MTUS1: variants seen among roughly 807,000 people sequenced by gnomAD.
The protein encoded by MTUS1 is microtubule associated scaffold protein 1, also known as microtubule-associated tumor suppressor 1.
A neutral mutation model predicts 120.8 loss-of-function variants in MTUS1; 109 were observed. The ratio of observed to expected loss-of-function variants is 0.90; its 90% CI spans 0.77 to 1.06. The LOEUF is 1.06. Ranked by LOEUF, MTUS1 falls within the 50% of genes least tolerant of loss-of-function variation. The probability of loss-of-function intolerance (pLI) is 0.00; values close to 1 mark genes in which losing one functional copy is unlikely to be tolerated. For missense variants in MTUS1, 2,210 were observed against 1,486.3 expected (o/e 1.49, Z -8.01); for synonymous variants, 737 against 550.5 (o/e 1.34, Z -4.74).
chr8:17,695,131 G>A (rs1817698440), intron 6 of MTUS1, among the ~76,000 whole-genome samples: 1 of 152,168 alleles, frequency 6.6e-6, no homozygotes, highest in South Asian at 2.1e-4. Context: ...CCACTTGACG[G>A]ACGATTTCTC....
intron 8 of MTUS1, among the ~76,000 whole-genome samples, chr8:17,673,516 A>G (rs1227561837): frequency 2.0e-5 from 3 of 152,150 alleles, no homozygotes; most frequent in African/African-American, 7.2e-5. Context: ...CAGCAGCACA[A>G]TGACAGCTCA....
chr8:17,751,504 A>G (rs2048185583), intron 2 of MTUS1, among the ~76,000 whole-genome samples: 1 of 152,182 alleles, frequency 6.6e-6, no homozygotes. Flanking sequence ...TCCCAGAGAC[A>G]TGGAAATGTG....
In MTUS1 at chr8:17,799,341, A is replaced by C. The variant is rs748913030; in HGVS notation, c.-155+1720T>G. Among the ~76,000 whole-genome samples the C allele has an allele frequency of 2.0e-5, 3 of 152,154 alleles. 1 individual carries two copies. Among genetic ancestry groups the C allele is most frequent in the Non-Finnish European group, 4.4e-5 (3 of 68,026 alleles). ...TTCTGAAGATTTCATGACATGGAAA[A>C]TTTTTCATGATACATTAATCAGGAA... On this transcript the variant is annotated intron_variant, in intron 1 of 14. Transcript: ENST00000693296.
chr8:17,714,693 C>A (rs895376394), intron 5 of MTUS1, among the ~76,000 whole-genome samples: 2 of 151,952 alleles, frequency 1.3e-5, no homozygotes, highest in Admixed American at 6.6e-5. Flanking sequence ...AAAAACAAAA[C>A]AACATATACA....
intron 7 of MTUS1, among the ~76,000 whole-genome samples, chr8:17,677,862 G>C (rs570801406): frequency 2.6e-5 from 4 of 152,254 alleles, no homozygotes; most frequent in East Asian, 1.9e-4. Context: ...TTCTAAATTG[G>C]TTGGTAACTT....
intron 13 of MTUS1, among the ~76,000 whole-genome samples, chr8:17,648,738 C>T (rs1806346877): frequency 6.6e-6 from 1 of 152,210 alleles, no homozygotes; most frequent in Non-Finnish European, 1.5e-5. Context: ...GCAGAGAGGT[C>T]CCCCATGTCC....
intron 1 of MTUS1, among the ~76,000 whole-genome samples, chr8:17,777,191 C>T (rs918755417): frequency 6.6e-6 from 1 of 152,062 alleles, no homozygotes; most frequent in Non-Finnish European, 1.5e-5. Context: ...AACCCCAGCA[C>T]TTTGGGAGGT....
At position 17,768,728 on chromosome 8, in the gene MTUS1, A is replaced by T. The variant is rs189235159; in HGVS notation, c.-154-12767T>A. 8.5e-5 allele frequency among the ~76,000 whole-genome samples: 13 copies of T among 152,242 alleles called. No individual in the cohort carries two copies. In the East Asian group the frequency reaches 2.1e-3, roughly 25 times the overall value. ...GAAGTCTCCTACCTCCAAAACAAAA[A>T]ACAAAAACAAAAAACCATTACAAGA... On this transcript the variant is annotated intron_variant, in intron 1 of 14. Coordinates refer to ENST00000693296, the MANE Select transcript of MTUS1 (RefSeq NM_001363059.2).
intron 7 of MTUS1, among the ~76,000 whole-genome samples, chr8:17,679,287 C>T (rs1047809694): frequency 2.0e-5 from 3 of 151,416 alleles, no homozygotes; most frequent in Non-Finnish European, 4.4e-5. Context: ...ATATAAAAAA[C>T]ATACATAATG....
chr8:17,659,889 C>A (rs750510521), intron 8 of MTUS1, among the ~76,000 whole-genome samples: 1 of 152,180 alleles, frequency 6.6e-6, no homozygotes, highest in African/African-American at 2.4e-5. Flanking sequence ...ATCCCCTCCC[C>A]TTCCCCAAGG....
intron 2 of MTUS1, among the ~76,000 whole-genome samples, 173 bp downstream of exon 2, chr8:17,753,544 T>C (rs2048352014): frequency 6.6e-6 from 1 of 152,168 alleles, no homozygotes; most frequent in Non-Finnish European, 1.5e-5. Flanking sequence ...AGTTTTGTTG[T>C]ATTGAAACCT....
At position 17,675,240 on chromosome 8, in the gene MTUS1, G is replaced by T. The variant is rs750865767; in HGVS notation, c.2851C>A (p.Leu951Met). ...QHLLSEREEA[L>M]KQHKTLSQEL... Reference sequence around the variant, plus strand: ...TGAGATAGGGTTTTGTGTTGTTTCAGTGCTTCCTCCCGCTGCGGAAAACAC... The same window carrying T: ...TGAGATAGGGTTTTGTGTTGTTTCATTGCTTCCTCCCGCTGCGGAAAACAC... Residue 951 changes from leucine (L) to methionine (M), a missense_variant, in exon 8 of 15, where the codon CTG (leucine) becomes ATG (methionine). Physicochemically the swap from Leu to Met is conservative, Grantham distance 15. Transcript: ENST00000693296. 3 of 1,613,996 alleles carry T rather than the reference G, an allele frequency of 1.9e-6. No individual in the cohort carries two copies. Among genetic ancestry groups the T allele is most frequent in the Non-Finnish European group, 2.5e-6 (3 of 1,180,008 alleles).
intron 6 of MTUS1, among the ~76,000 whole-genome samples, chr8:17,711,510 T>C (rs1019011359): frequency 3.9e-5 from 6 of 152,196 alleles, no homozygotes; most frequent in Admixed American, 6.5e-5. Flanking sequence ...TAAAGAGAGT[T>C]AGGGTCTCAC....
chr8:17,654,680 A>C lies in MTUS1; in HGVS notation c.3109-14T>G. On this transcript the variant is annotated splice_polypyrimidine_tract_variant and intron_variant, in intron 9 of 14. Transcript: ENST00000693296. The stretch of plus-strand genomic sequence containing the variant: ...TAAGTTGTCAAACTGTAAGCAACAA[A>C]CAAAACCGTGGTTTAACAGTAAAAC... 6.3e-7 allele frequency: 1 copy of C among 1,597,662 alleles called. No individual in the cohort carries two copies. The highest frequency in any genetic ancestry group is 8.6e-7 in the Non-Finnish European group (1 of 1,164,944).
At chr8:17,780,603 C>T (rs569211754) in intron 1 of MTUS1, among the ~76,000 whole-genome samples, 1 of 152,218 alleles carries the variant, frequency 6.6e-6, no homozygotes, top group Non-Finnish European at 1.5e-5. Context: ...CCGACAGGCA[C>T]TGCCTTCAAA....
At chr8:17,794,225 A>C (rs1393431040) in intron 1 of MTUS1, among the ~76,000 whole-genome samples, 1 of 152,040 alleles carries the variant, frequency 6.6e-6, no homozygotes, top group Non-Finnish European at 1.5e-5. Flanking sequence ...CTACTCAGAA[A>C]GCTGAGGCAG....
intron 4 of MTUS1, among the ~76,000 whole-genome samples, chr8:17,721,438 CAA>C (rs1482310372): frequency 1.3e-5 from 2 of 152,136 alleles, no homozygotes; most frequent in Non-Finnish European, 2.9e-5. Context: ...ATTAAACCAT[CAA>C]AAAGTCTTTG....
chr8:17,701,020 G>C (rs781230307), intron 6 of MTUS1, among the ~76,000 whole-genome samples: 1 of 152,112 alleles, frequency 6.6e-6, no homozygotes, highest in Non-Finnish European at 1.5e-5. Flanking sequence ...GGGGTGCTTA[G>C]ATGCTACAAA....
chr8:17,706,883 G>A (rs192165213), intron 6 of MTUS1, among the ~76,000 whole-genome samples: 7 of 152,206 alleles, frequency 4.6e-5, no homozygotes, highest in East Asian at 1.9e-4. Context: ...CATTTAAAAC[G>A]ACAAATTTTA....
Sources: allele counts gnomAD v4.1 joint callset (sites outside exome capture counted in the v4.1 genomes callset), GRCh38; gene constraint gnomAD v4.1.1; transcripts MANE v1.5; gene names NCBI Gene and HGNC (gene_info 2026-07-23, HGNC 2026-07-21).